The following CAMKMT variants were observed in gnomAD, a reference collection of about 807,000 sequenced individuals.
The protein encoded by CAMKMT is calmodulin-lysine N-methyltransferase.
In CAMKMT, 53 loss-of-function variants were observed where a neutral mutation model predicts 48.0. That is an observed-to-expected ratio of 1.10 (90% confidence interval 0.89 to 1.39). CAMKMT has a LOEUF of 1.39. CAMKMT is among the 40% of genes most tolerant of loss of function. The pLI, the probability that CAMKMT is intolerant of heterozygous loss-of-function variation, is 0.00. For synonymous variants in CAMKMT, 165 were observed against 152.3 expected (o/e 1.08, Z -0.61); for missense variants, 428 against 402.7 (o/e 1.06, Z -0.54).
At chr2:44,742,419 G>T (rs1228849925) in intron 7 of CAMKMT, among the ~76,000 whole-genome samples, 1 of 152,156 alleles carries the variant, frequency 6.6e-6, no homozygotes, top group African/African-American at 2.4e-5. Context: ...CTCCAAGTCT[G>T]TATATTCACC....
rs1067408 is a variant in CAMKMT, at chr2:44,446,451, A to C, written c.376+56146A>C. ...AACCTCTGCCTCCTGGGTTCAAGCA[A>C]TTCTCATGCCTCAGTCACCGAGTAG... is the stretch of plus-strand genomic sequence containing the variant. On this transcript the variant is annotated intron_variant, in intron 3 of 10. Transcript: ENST00000378494. 4.9e-4 allele frequency among the ~76,000 whole-genome samples: 75 copies of C among 151,854 alleles called. 1 individual carries two copies. The highest frequency in any genetic ancestry group is 1.7e-3 in the African/African-American group (71 of 41,386).
chr2:44,464,369 A>G (rs935504871), intron 3 of CAMKMT, among the ~76,000 whole-genome samples: 1 of 152,256 alleles, frequency 6.6e-6, no homozygotes, highest in African/African-American at 2.4e-5. Context: ...TGACCAATAT[A>G]TACATTATGG....
At chr2:44,698,094 TA>T (rs1300646248) in intron 3 of CAMKMT, among the ~76,000 whole-genome samples, 3 of 152,224 alleles carry the variant, frequency 2.0e-5, no homozygotes, top group African/African-American at 4.8e-5. Context: ...GAGAAAACTT[TA>T]AAAAGTAGCA....
intron 3 of CAMKMT, among the ~76,000 whole-genome samples, chr2:44,513,545 G>A (rs698778): frequency 0.61 from 92,132 of 151,924 alleles, 29,073 homozygotes; most frequent in Middle Eastern, 0.68. Context: ...TGTTTGGACT[G>A]TGAAACTTAA....
At chr2:44,558,973 A>G (rs74843987) in intron 3 of CAMKMT, among the ~76,000 whole-genome samples, 3 of 138,738 alleles carry the variant, frequency 2.2e-5, no homozygotes, top group African/African-American at 3.3e-5. Context: ...GTGTGTGTGT[A>G]TGTATGTATG....
intron 3 of CAMKMT, among the ~76,000 whole-genome samples, chr2:44,458,622 A>G (rs190696779): frequency 7.9e-5 from 12 of 152,348 alleles, no homozygotes; most frequent in South Asian, 2.1e-4. Flanking sequence ...ACGTTTTTAT[A>G]TAATTATTCA....
chr2:44,578,338 C>T (rs368796400), intron 3 of CAMKMT, among the ~76,000 whole-genome samples: 6 of 152,100 alleles, frequency 3.9e-5, no homozygotes, highest in Admixed American at 6.5e-5. Flanking sequence ...TGTATTAATT[C>T]GATGTATTCA....
At chr2:44,579,372 A>G (rs550981166) in intron 3 of CAMKMT, among the ~76,000 whole-genome samples, 43 of 152,298 alleles carry the variant, frequency 2.8e-4, no homozygotes, top group African/African-American at 1.0e-3. Flanking sequence ...ATGAAATGCA[A>G]AGCTCTTGTA....
intron 3 of CAMKMT, among the ~76,000 whole-genome samples, chr2:44,688,636 G>T (rs1276154285): frequency 6.6e-6 from 1 of 152,078 alleles, no homozygotes; most frequent in African/African-American, 2.4e-5. Context: ...ATGTAAATTT[G>T]CTGAGTAGTG....
chr2:44,403,300 T>C (rs1682556718), intron 3 of CAMKMT, among the ~76,000 whole-genome samples: 1 of 152,156 alleles, frequency 6.6e-6, no homozygotes, highest in Admixed American at 6.5e-5. Flanking sequence ...CCACCCCCAA[T>C]TAAAAAGTAT....
intron 3 of CAMKMT, among the ~76,000 whole-genome samples, chr2:44,584,782 C>T (rs529358707): frequency 2.0e-5 from 3 of 152,054 alleles, no homozygotes; most frequent in Non-Finnish European, 4.4e-5. Context: ...AGGCCGGGTG[C>T]GGTGGCTCAC....
At chr2:44,370,476 T>C (rs189776650) in intron 1 of CAMKMT, among the ~76,000 whole-genome samples, 12 of 152,308 alleles carry the variant, frequency 7.9e-5, no homozygotes, top group Admixed American at 5.9e-4. Flanking sequence ...CCCTTTATTA[T>C]TATTTTTTAA....
intron 3 of CAMKMT, among the ~76,000 whole-genome samples, chr2:44,403,384 A>C (rs1682562778): frequency 6.6e-6 from 1 of 152,184 alleles, no homozygotes; most frequent in Admixed American, 6.5e-5. Context: ...ACCCGAAGAC[A>C]TCTGACAGGA....
intron 3 of CAMKMT, among the ~76,000 whole-genome samples, chr2:44,452,698 A>G (rs914419286): frequency 1.4e-4 from 21 of 152,186 alleles, no homozygotes; most frequent in African/African-American, 4.1e-4. Flanking sequence ...CCTTTGTATT[A>G]TAATCTGTAT....
chr2:44,749,601 A>G (rs1680069773), intron 8 of CAMKMT, among the ~76,000 whole-genome samples: 1 of 152,182 alleles, frequency 6.6e-6, no homozygotes, highest in African/African-American at 2.4e-5. Flanking sequence ...ACCTTTATCA[A>G]CTAACATATC....
At chr2:44,592,804 A>G (rs1670381235) in intron 3 of CAMKMT, among the ~76,000 whole-genome samples, 1 of 108,614 alleles carries the variant, frequency 9.2e-6, no homozygotes, top group South Asian at 3.1e-4. Flanking sequence ...TGCATGGCTT[A>G]AATCTTTTTA....
intron 3 of CAMKMT, among the ~76,000 whole-genome samples, chr2:44,481,844 A>G (rs1329821758): frequency 1.3e-5 from 2 of 152,084 alleles, no homozygotes; most frequent in Non-Finnish European, 2.9e-5. Context: ...TAGGTATCAT[A>G]CATATGGGGA....
At chr2:44,394,157 G>A (rs1681605029) in intron 3 of CAMKMT, among the ~76,000 whole-genome samples, 1 of 152,084 alleles carries the variant, frequency 6.6e-6, no homozygotes, top group South Asian at 2.1e-4. Flanking sequence ...TCCTTTAAAG[G>A]ATAGGAGGTC....
chr2:44,601,727 GT>G (rs979033457), intron 3 of CAMKMT, among the ~76,000 whole-genome samples: 16 of 151,150 alleles, frequency 1.1e-4, no homozygotes, highest in African/African-American at 3.4e-4. Flanking sequence ...GAATACCTTT[GT>G]TTTTTTAAGT....
Sources: gnomAD v4.1 joint callset for allele counts (sites outside exome capture counted in the v4.1 genomes callset) on GRCh38, gnomAD v4.1.1 for gene constraint, MANE v1.5 for transcripts, NCBI Gene and HGNC (gene_info 2026-07-23, HGNC 2026-07-21) for gene names.